TGFBR3: variants seen among roughly 807,000 people sequenced by gnomAD.
TGFBR3 encodes transforming growth factor beta receptor 3.
In TGFBR3, 46 loss-of-function variants were observed where a neutral mutation model predicts 87.9. That is an observed-to-expected ratio of 0.52 (90% CI 0.41 to 0.67). TGFBR3 has a LOEUF of 0.67. Among genes scored for constraint, TGFBR3 ranks in the 30% least tolerant of loss-of-function variants. The probability of loss-of-function intolerance (pLI) is 0.00; values close to 1 mark genes in which losing one functional copy is unlikely to be tolerated. For synonymous variants in TGFBR3, 381 were observed against 391.6 expected (o/e 0.97, Z 0.32); for missense variants, 866 against 1,041.9 (o/e 0.83, Z 2.32).
chr1:91,779,009 C>A (rs6604053), intron 3 of TGFBR3, among the ~76,000 whole-genome samples: 46,055 of 151,878 alleles, frequency 0.3, 7,297 homozygotes, highest in Middle Eastern at 0.47. Context: ...GAGCCCATGC[C>A]AAGGACAGGA....
chr1:91,814,921 G>C (rs1676161123), intron 2 of TGFBR3, among the ~76,000 whole-genome samples: 2 of 152,144 alleles, frequency 1.3e-5, no homozygotes, highest in Admixed American at 1.3e-4. Flanking sequence ...CTCCACATTA[G>C]AGAAATTACT....
At chr1:91,724,447 T>C (rs1672481352) in intron 7 of TGFBR3, among the ~76,000 whole-genome samples, 1 of 152,210 alleles carries the variant, frequency 6.6e-6, no homozygotes, top group South Asian at 2.1e-4. Context: ...TTTCATGTTG[T>C]TGGACAGCTG....
intron 3 of TGFBR3, among the ~76,000 whole-genome samples, chr1:91,760,532 T>C (rs1287867504): frequency 6.6e-6 from 1 of 152,178 alleles, no homozygotes; most frequent in Non-Finnish European, 1.5e-5. Flanking sequence ...AGCAAATTCA[T>C]ATATTTATAT....
chr1:91,791,714 A>C (rs1675199509), intron 3 of TGFBR3, among the ~76,000 whole-genome samples: 2 of 152,196 alleles, frequency 1.3e-5, no homozygotes, highest in South Asian at 4.1e-4. Flanking sequence ...TCCAACAGAC[A>C]CAACTCGGGG....
chr1:91,864,148 A>G (rs1571584798), intron 1 of TGFBR3: 1 of 152,362 alleles, frequency 6.6e-6, no homozygotes, highest in South Asian at 2.1e-4. Context: ...GATTTTATGA[A>G]GCACATAAAC....
chr1:91,681,203 A>G lies in TGFBR3; in HGVS notation c.*2536T>C. Reference sequence around the variant, plus strand: ...GTATTAAAACTGTAAAGTGTGAAGCAATTAGAAATACTGTAATGAGAAGCT... The same window carrying G: ...GTATTAAAACTGTAAAGTGTGAAGCGATTAGAAATACTGTAATGAGAAGCT... On this transcript the variant is annotated 3_prime_UTR_variant, in exon 17 of 17. Transcript: ENST00000212355. 2.2e-6 allele frequency: 1 copy of G among 452,272 alleles called. No homozygotes were observed. Among genetic ancestry groups the G allele is most frequent in the Non-Finnish European group, 4.4e-6 (1 of 225,950 alleles). The allele number at this position is 452,272 out of a possible 1,614,324, so 28.0% of individuals were successfully genotyped here.
chr1:91,863,310 T>C (rs1678269294), intron 1 of TGFBR3, among the ~76,000 whole-genome samples: 1 of 152,222 alleles, frequency 6.6e-6, no homozygotes, highest in Non-Finnish European at 1.5e-5. Context: ...CTAGTATGAA[T>C]AGCATACGGA....
intron 3 of TGFBR3, among the ~76,000 whole-genome samples, chr1:91,780,137 G>A (rs1674709928): frequency 6.6e-6 from 1 of 152,134 alleles, no homozygotes; most frequent in Non-Finnish European, 1.5e-5. Flanking sequence ...AATCACACCT[G>A]CTAAGGCTTT....
At chr1:91,849,765 C>T (rs1008518179) in intron 2 of TGFBR3, among the ~76,000 whole-genome samples, 2 of 152,090 alleles carry the variant, frequency 1.3e-5, no homozygotes, top group Non-Finnish European at 2.9e-5. Flanking sequence ...TCAATCAACA[C>T]TTTAGGAAAG....
At chr1:91,887,549 A>T (rs1379077381), upstream of TGFBR3, among the ~76,000 whole-genome samples, 1 of 152,158 alleles carries the variant, frequency 6.6e-6, no homozygotes, top group African/African-American at 2.4e-5. Flanking sequence ...TAGAGGCGTT[A>T]GCCGCTGCAC....
At chr1:91,865,064 G>A (rs1227109663) in intron 1 of TGFBR3, among the ~76,000 whole-genome samples, 1 of 151,858 alleles carries the variant, frequency 6.6e-6, no homozygotes, top group Non-Finnish European at 1.5e-5. Flanking sequence ...TTAGCCAGGC[G>A]TGGTGGTACG....
chr1:91,831,047 C>G (rs1317268657), intron 2 of TGFBR3, among the ~76,000 whole-genome samples: 1 of 152,148 alleles, frequency 6.6e-6, no homozygotes, highest in Admixed American at 6.5e-5. Flanking sequence ...GTTTCCACCT[C>G]CCCAAGGCAA....
At chr1:91,777,147 C>T (rs1674593863) in intron 3 of TGFBR3, among the ~76,000 whole-genome samples, 1 of 152,192 alleles carries the variant, frequency 6.6e-6, no homozygotes, top group Non-Finnish European at 1.5e-5. Flanking sequence ...AGGCAGCTGA[C>T]ATCACTGGAT....
intron 2 of TGFBR3, among the ~76,000 whole-genome samples, chr1:91,830,880 C>T (rs1000660719): frequency 6.6e-6 from 1 of 152,206 alleles, no homozygotes; most frequent in African/African-American, 2.4e-5. Flanking sequence ...CCCTGTGTGC[C>T]GATCAGACGC....
At chr1:91,692,752 T>C (rs137879672) in intron 16 of TGFBR3, among the ~76,000 whole-genome samples, 13 of 152,174 alleles carry the variant, frequency 8.5e-5, no homozygotes, top group African/African-American at 2.6e-4. Flanking sequence ...GTGCCCAGAG[T>C]TGTCATATGA....
rs778850853 is a variant in TGFBR3 at position 91,712,286 on chromosome 1, G to A, written c.2123C>T (p.Thr708Met). The change falls in exon 13 of 17, where the codon ACG (threonine) becomes ATG (methionine). Residue 708 changes from threonine (T) to methionine (M), a missense_variant. Transcript: ENST00000212355. ...GTGCTTCTCCATCTTCGTACACAGC[G>A]TCAGCTCACACTGTAGAAAGAGCAG... is the stretch of plus-strand genomic sequence containing the variant. ...TSLLFLQCEL[T>M]LCTKMEKHPQ... 11 of 1,614,070 alleles carry A rather than the reference G, an allele frequency of 6.8e-6. No individual in the cohort carries two copies. The highest frequency in any genetic ancestry group is 1.7e-5 in the Admixed American group (1 of 60,000).
At position 91,863,955 on chromosome 1, in the gene TGFBR3, G is replaced by A. The variant is rs1426612575; in HGVS notation, c.-113-2311C>T. The A allele has an allele frequency of 3.9e-5, 6 of 151,942 alleles. No homozygotes were observed. The East Asian group carries it at 5.8e-4, about 15-fold the overall frequency. 9.4% of individuals were successfully genotyped at this position (151,942 alleles called of 1,614,324 possible). ...GATCTGTCTCTATTTTTTTCCCTTC[G>A]AAATATTAGATTCCCTAAATTAGTG... On this transcript the variant is annotated intron_variant, in intron 1 of 16. Coordinates refer to ENST00000212355, the MANE Select transcript of TGFBR3 (RefSeq NM_003243.5).
At chr1:91,863,351 G>A (rs1426971991) in intron 1 of TGFBR3, among the ~76,000 whole-genome samples, 2 of 152,332 alleles carry the variant, frequency 1.3e-5, no homozygotes, top group East Asian at 3.9e-4. Context: ...CTGCCTGGGT[G>A]TGAATCCACT....
At chr1:91,695,363 G>A (rs906414654) in intron 16 of TGFBR3, 12 of 366,558 alleles carry the variant, frequency 3.3e-5, no homozygotes, top group Admixed American at 7.7e-5. Context: ...TGGTTTTGAC[G>A]GAATGGTTTG....
Sources: allele counts gnomAD v4.1 joint callset (sites outside exome capture counted in the v4.1 genomes callset), GRCh38; gene constraint gnomAD v4.1.1; transcripts MANE v1.5; gene names NCBI Gene and HGNC (gene_info 2026-07-23, HGNC 2026-07-21).